ADAMTS18: variants seen among roughly 807,000 people sequenced by gnomAD.
ADAMTS18 encodes the protein ADAM metallopeptidase with thrombospondin type 1 motif 18, also known as A disintegrin and metalloproteinase with thrombospondin motifs 18.
In ADAMTS18, 157 loss-of-function variants were observed where a neutral mutation model predicts 165.9. That is an observed-to-expected ratio of 0.95 (90% CI 0.83 to 1.08). The LOEUF is 1.08. Among genes scored for constraint, ADAMTS18 ranks in the 50% least tolerant of loss-of-function variants. The probability of loss-of-function intolerance (pLI) is 0.00; values close to 1 mark genes in which losing one functional copy is unlikely to be tolerated. For synonymous variants in ADAMTS18, 782 were observed against 578.2 expected (o/e 1.35, Z -5.06); for missense variants, 2,040 against 1,534.0 (o/e 1.33, Z -5.51).
intron 3 of ADAMTS18, among the ~76,000 whole-genome samples, chr16:77,400,745 A>G (rs2057320702): frequency 6.6e-6 from 1 of 151,652 alleles, no homozygotes; most frequent in African/African-American, 2.4e-5. Context: ...CTGGGATTAC[A>G]GGAGTGAGCC....
At chr16:77,304,701 C>A (rs966829158) in intron 16 of ADAMTS18, among the ~76,000 whole-genome samples, 1 of 152,096 alleles carries the variant, frequency 6.6e-6, no homozygotes, top group Non-Finnish European at 1.5e-5. Flanking sequence ...ATGTATCTGG[C>A]CAAAAGAAAA....
chr16:77,287,906 A>G (rs2055286007), intron 22 of ADAMTS18, among the ~76,000 whole-genome samples: 1 of 152,148 alleles, frequency 6.6e-6, no homozygotes, highest in Non-Finnish European at 1.5e-5. Flanking sequence ...CTTTCTTTTA[A>G]GAACAGGACC....
chr16:77,378,352 A>AAAAAAAAAAAC (rs2056983107), intron 3 of ADAMTS18, among the ~76,000 whole-genome samples: 1 of 51,174 alleles, frequency 2.0e-5, no homozygotes, highest in African/African-American at 5.8e-5. Flanking sequence ...AAAAAAAACA[A>AAAAAAAAAAAC]AAAAAAAAAA....
At chr16:77,298,156 A>T (rs560079889) in intron 17 of ADAMTS18, among the ~76,000 whole-genome samples, 33 of 151,774 alleles carry the variant, frequency 2.2e-4, no homozygotes, top group Middle Eastern at 6.9e-3. Flanking sequence ...GACCTCAGTG[A>T]TTCACCGGCC....
At chr16:77,370,980 A>G (rs8053757) in intron 3 of ADAMTS18, among the ~76,000 whole-genome samples, 50,981 of 151,936 alleles carry the variant, frequency 0.34, 9,954 homozygotes, top group East Asian at 0.57. Flanking sequence ...GGATGCAGTG[A>G]CTTATGCCTA....
chr16:77,429,984 G>C (rs1418048142), intron 3 of ADAMTS18, among the ~76,000 whole-genome samples: 1 of 152,170 alleles, frequency 6.6e-6, no homozygotes, highest in East Asian at 1.9e-4. Flanking sequence ...GCTGGTCTGA[G>C]AATTAGAACC....
chr16:77,352,193 T>C (rs138088363), intron 10 of ADAMTS18, among the ~76,000 whole-genome samples: 1 of 152,340 alleles, frequency 6.6e-6, no homozygotes, highest in East Asian at 1.9e-4. Context: ...ATCTCAAACC[T>C]ATGATTTGAT....
chr16:77,412,289 G>C (rs907619860), intron 3 of ADAMTS18, among the ~76,000 whole-genome samples: 13 of 152,094 alleles, frequency 8.5e-5, no homozygotes, highest in African/African-American at 3.1e-4. Flanking sequence ...GGACTTCTCA[G>C]TCTTTATAAC....
intron 12 of ADAMTS18, among the ~76,000 whole-genome samples, chr16:77,334,320 AAAT>A (rs1323432628): frequency 2.4e-5 from 2 of 83,932 alleles, no homozygotes; most frequent in African/African-American, 5.5e-5. Context: ...TATAAAGTAT[AAAT>A]AATACTACAT....
intron 22 of ADAMTS18, among the ~76,000 whole-genome samples, chr16:77,286,578 T>C (rs570289328): frequency 2.6e-5 from 4 of 151,980 alleles, no homozygotes; most frequent in African/African-American, 9.7e-5. Context: ...CAAAGCTCCA[T>C]AGCTAGCTCC....
chr16:77,298,544 C>T (rs190390379), intron 17 of ADAMTS18, among the ~76,000 whole-genome samples: 317 of 152,220 alleles, frequency 2.1e-3, no homozygotes, highest in Non-Finnish European at 6.9e-4. Context: ...ATAATCCCAG[C>T]ACTTTGGGAG....
At chr16:77,293,410 A>G in intron 19 of ADAMTS18, 152 bp from the exon 20 acceptor site, 1 of 681,426 alleles carries the variant, frequency 1.5e-6, no homozygotes, top group Admixed American at 2.5e-5. Context: ...AACCACCCCC[A>G]TTCCCATTAC....
In ADAMTS18 at chr16:77,392,701, C is replaced by T. The variant is rs75087884; in HGVS notation, c.496-24978G>A. ...AGCCCTGTTCCTAGCATAGGGTAGA[C>T]GTCGTAAATATTGGTTGAATAAATG... On this transcript the variant is annotated intron_variant, in intron 3 of 22. Coordinates refer to ENST00000282849, the MANE Select transcript of ADAMTS18 (RefSeq NM_199355.4). Among the ~76,000 whole-genome samples, 629 of 152,180 alleles carry T rather than the reference C, an allele frequency of 4.1e-3. 7 individuals carry two copies. The highest frequency in any genetic ancestry group is 0.015 in the African/African-American group (603 of 41,516).
At chr16:77,433,429 T>G (rs1356876008) in intron 2 of ADAMTS18, 1 of 152,198 alleles carries the variant, frequency 6.6e-6, no homozygotes, top group South Asian at 2.1e-4. Context: ...GCAGTCAGTG[T>G]CCCCTGTAAA....
Position 77,431,262 on chromosome 16 carries a change from G to A in ADAMTS18, c.495+33C>T, listed in dbSNP as rs1020562144. 1.9e-6 allele frequency: 3 copies of A among 1,612,966 alleles called. 1 individual carries two copies. Among genetic ancestry groups the A allele is most frequent in the South Asian group, 2.2e-5 (2 of 91,024 alleles). On this transcript the variant is annotated intron_variant, in intron 3 of 22. Transcript: ENST00000282849. ...CATTCAAGTTACACAAAACACGAAAGAGGGAGCTCAACTCAGACTGGGGTG... is the reference window on the plus strand; with the variant it reads ...CATTCAAGTTACACAAAACACGAAAAAGGGAGCTCAACTCAGACTGGGGTG...
rs76470707 is a variant in ADAMTS18 at position 77,372,543 on chromosome 16, C to A, written c.496-4820G>T. ...CAAAGACGGAGTCTTCATTCACAAG[C>A]ACATGCTGGGCACCTGAGTCCTGGT... On this transcript the variant is annotated intron_variant, in intron 3 of 22. Transcript: ENST00000282849. Among the ~76,000 whole-genome samples the A allele has an allele frequency of 5.3e-3, 804 of 152,316 alleles. 12 individuals carry two copies. The highest frequency in any genetic ancestry group is 0.019 in the African/African-American group (772 of 41,558).
rs528939433 is a variant in ADAMTS18 at position 77,419,297 on chromosome 16, T to G, written c.495+11998A>C. ...TCCAAGAAAGATTCCACTGCTAAGCTCACTCAGGCTGTTGGCAGAATTCAC... is the reference window on the plus strand; with the variant it reads ...TCCAAGAAAGATTCCACTGCTAAGCGCACTCAGGCTGTTGGCAGAATTCAC... On this transcript the variant is annotated intron_variant, in intron 3 of 22. Coordinates refer to ENST00000282849, the MANE Select transcript of ADAMTS18 (RefSeq NM_199355.4). Among the ~76,000 whole-genome samples, 130 of 152,218 alleles carry G rather than the reference T, an allele frequency of 8.5e-4. 1 individual carries two copies. The highest frequency in any genetic ancestry group is 3.1e-3 in the African/African-American group (128 of 41,528).
At chr16:77,397,740 C>T (rs2057276933) in intron 3 of ADAMTS18, among the ~76,000 whole-genome samples, 1 of 152,210 alleles carries the variant, frequency 6.6e-6, no homozygotes, top group South Asian at 2.1e-4. Context: ...AAGTTGCCCA[C>T]ATTAAACATT....
chr16:77,414,809 G>C (rs983220328), intron 3 of ADAMTS18, among the ~76,000 whole-genome samples: 4 of 152,094 alleles, frequency 2.6e-5, no homozygotes, highest in African/African-American at 9.7e-5. Context: ...AGAATTCTTG[G>C]TTTACATCAT....
Sources: gnomAD v4.1 joint callset for allele counts (sites outside exome capture counted in the v4.1 genomes callset) on GRCh38, gnomAD v4.1.1 for gene constraint, MANE v1.5 for transcripts, NCBI Gene and HGNC (gene_info 2026-07-23, HGNC 2026-07-21) for gene names.